The following BSG variants were observed in gnomAD, a reference collection of about 807,000 sequenced individuals.
The protein encoded by BSG is basigin (Ok blood group).
In BSG, 37 loss-of-function variants were observed where a neutral mutation model predicts 43.1. That is an observed-to-expected ratio of 0.86 (90% CI 0.66 to 1.13). BSG has a LOEUF of 1.13. Ranked by LOEUF, BSG falls within the 50% of genes most tolerant of loss-of-function variation. The probability of loss-of-function intolerance (pLI) is 0.00; values close to 1 mark genes in which losing one functional copy is unlikely to be tolerated. For missense variants in BSG, 599 were observed against 554.2 expected (o/e 1.08, Z -0.81); for synonymous variants, 309 against 238.7 (o/e 1.29, Z -2.72).
chr19:576,282 C>T (rs1600482661), intron 1 of BSG, among the ~76,000 whole-genome samples: 1 of 152,314 alleles, frequency 6.6e-6, no homozygotes, highest in East Asian at 1.9e-4. Flanking sequence ...CCCAGCCCTG[C>T]AGGTCTGGAG....
intron 1 of BSG, chr19:575,021 G>C (rs556312871): frequency 6.6e-6 from 1 of 152,326 alleles, no homozygotes; most frequent in African/African-American, 2.4e-5. Context: ...CTGCTGGGTA[G>C]GGTGGTTCAC....
rs1296640719 is a variant in BSG at position 582,554 on chromosome 19, G to T, written c.1135G>T (p.Val379Phe). 6.6e-7 allele frequency: 1 copy of T among 1,503,808 alleles called. No individual in the cohort carries two copies. The highest frequency in any genetic ancestry group is 9.0e-7 in the Non-Finnish European group (1 of 1,113,942). 93.2% of individuals were successfully genotyped at this position (1,503,808 alleles called of 1,614,324 possible). ...GCACCAGAATGACAAAGGCAAGAACGTCCGCCAGAGGAACTCTTCCTGAGG... is the reference window on the plus strand; with the variant it reads ...GCACCAGAATGACAAAGGCAAGAACTTCCGCCAGAGGAACTCTTCCTGAGG... ...GQHQNDKGKN[V>F]RQRNSS Residue 379 changes from valine to phenylalanine, a missense_variant, in exon 8 of 9, where the codon GTC (valine) becomes TTC (phenylalanine). By Grantham distance (50) the Val-to-Phe change is conservative. Transcript: ENST00000333511.
chr19:574,502 G>A (rs540123195), intron 1 of BSG, among the ~76,000 whole-genome samples: 47 of 151,974 alleles, frequency 3.1e-4, no homozygotes, highest in African/African-American at 1.1e-3. Context: ...GCAGTGAGCC[G>A]AGATCGCGCC....
rs1360739725 is a variant in BSG, at chr19:578,799, C to T, written c.415+678C>T. ...CAGGTGGAGTGTGGTGGCACAATCT[C>T]GGCTCACTGCAACTTCCGCCTCCCG... is the stretch of plus-strand genomic sequence containing the variant. On this transcript the variant is annotated intron_variant, in intron 2 of 8. Coordinates refer to ENST00000333511, the MANE Select transcript of BSG (RefSeq NM_001728.4). The T allele has an allele frequency of 2.0e-5, 7 of 346,032 alleles. 1 individual carries two copies. Among genetic ancestry groups the T allele is most frequent in the Non-Finnish European group, 2.3e-5 (4 of 175,218 alleles). The allele number at this position is 346,032 out of a possible 1,614,324, so 21.4% of individuals were successfully genotyped here.
Position 580,382 on chromosome 19 carries a change from G to A in BSG, c.576G>A (p.Val192=). 1 of 1,610,790 alleles carries A rather than the reference G, an allele frequency of 6.2e-7. No homozygotes were observed. The highest frequency in any genetic ancestry group is 8.5e-7 in the Non-Finnish European group (1 of 1,179,840). The change falls in exon 4 of 9, where the codon GTG becomes GTA. Residue 192 remains valine (V), a synonymous_variant. Coordinates refer to ENST00000333511, the MANE Select transcript of BSG (RefSeq NM_001728.4). ...ALPGQKTEFK[V]DSDDQWGEYS... ...CACCTGCCTGCTGTGGTTGCAGGGT[G>A]GACTCCGACGACCAGTGGGGAGAGT...
chr19:574,223 C>A (rs1981555759), intron 1 of BSG, among the ~76,000 whole-genome samples: 1 of 147,222 alleles, frequency 6.8e-6, no homozygotes, highest in African/African-American at 2.5e-5. Flanking sequence ...CCACTGCACT[C>A]CAGCCTGGGT....
chr19:572,723 G>T (rs1351883365), intron 1 of BSG, 22 bp downstream of exon 1: 1 of 1,463,114 alleles, frequency 6.8e-7, no homozygotes, highest in Admixed American at 2.4e-5. Flanking sequence ...GTAGGGGGCG[G>T]GGGTGCGGTC....
chr19:572,303 GCT>G (rs1204111092), upstream of BSG: 4 of 837,398 alleles, frequency 4.8e-6, no homozygotes, highest in Non-Finnish European at 4.4e-6. Flanking sequence ...CGGGCGCACC[GCT>G]CTGCGCTCAT....
rs1434107415 is a variant in BSG at position 581,606 on chromosome 19, C to T, written c.1069+15C>T. 6.4e-7 allele frequency: 1 copy of T among 1,571,944 alleles called. No homozygotes were observed. The highest frequency in any genetic ancestry group is 8.6e-7 in the Non-Finnish European group (1 of 1,161,882). ...CGTCCTGGATGGTGAGCCGTCTGCC[C>T]TCCTGCCCACATGCCCTGCTCTCGG... On this transcript the variant is annotated intron_variant, in intron 6 of 8. Transcript: ENST00000333511.
rs557135170 is a variant in BSG, at chr19:580,230, G to A, written c.573-149G>A. 1.5e-5 allele frequency: 10 copies of A among 670,568 alleles called. No individual in the cohort carries two copies. In the Admixed American group the frequency reaches 1.6e-4, roughly 11 times the overall value. The allele number at this position is 670,568 out of a possible 1,614,324, so 41.5% of individuals were successfully genotyped here. On this transcript the variant is annotated intron_variant, in intron 3 of 8. Transcript: ENST00000333511. ...CCTGGCTCTGTCCTTGGGGCCGCAC[G>A]GGGACCCCAGGAGTTCTTTTGAGGT...
Position 572,609 on chromosome 19 carries a change from T to C in BSG, c.-26T>C, listed in dbSNP as rs545279552. The C allele has an allele frequency of 8.1e-6, 12 of 1,485,074 alleles. No homozygotes were observed. In the East Asian group the frequency reaches 1.2e-4, roughly 14 times the overall value. 92.0% of individuals were successfully genotyped at this position (1,485,074 alleles called of 1,614,324 possible). On this transcript the variant is annotated 5_prime_UTR_variant, in exon 1 of 9. Coordinates refer to ENST00000333511, the MANE Select transcript of BSG (RefSeq NM_001728.4). Reference sequence around the variant, plus strand: ...GGCGGCGGCGGCAGCGGTTGGAGGTTGTAGGACCGGCGAGGAATAGGAATC... The same window carrying C: ...GGCGGCGGCGGCAGCGGTTGGAGGTCGTAGGACCGGCGAGGAATAGGAATC...
In BSG at chr19:572,615, A is replaced by C. The variant is rs867370549; in HGVS notation, c.-20A>C. On this transcript the variant is annotated 5_prime_UTR_variant, in exon 1 of 9. Coordinates refer to ENST00000333511, the MANE Select transcript of BSG (RefSeq NM_001728.4). ...GGCGGCAGCGGTTGGAGGTTGTAGGACCGGCGAGGAATAGGAATCATGGCG... is the reference window on the plus strand; with the variant it reads ...GGCGGCAGCGGTTGGAGGTTGTAGGCCCGGCGAGGAATAGGAATCATGGCG... 1 of 1,489,854 alleles carries C rather than the reference A, an allele frequency of 6.7e-7. No homozygotes were observed. The highest frequency in any genetic ancestry group is 9.0e-7 in the Non-Finnish European group (1 of 1,116,670). The allele number at this position is 1,489,854 out of a possible 1,614,324, so 92.3% of individuals were successfully genotyped here. A position where few individuals can be genotyped will look rare whatever the true frequency, so the allele number is the denominator to read the frequency against.
intron 7 of BSG, 48 bp from the exon 8 acceptor site, chr19:582,465 GA>G: frequency 6.3e-7 from 1 of 1,595,166 alleles, no homozygotes; most frequent in Non-Finnish European, 8.5e-7. Flanking sequence ...GTGACTTGGA[GA>G]GAGTGACTTG....
In BSG at chr19:582,961, G is replaced by A; in HGVS notation, c.*217G>A. ...TTCTGAAGTGTTTCACGAGAGCCCG[G>A]GAGCTGCTGCCCTGCGGCCCCGTCT... On this transcript the variant is annotated 3_prime_UTR_variant, in exon 9 of 9. Coordinates refer to ENST00000333511, the MANE Select transcript of BSG (RefSeq NM_001728.4). 1 of 241,258 alleles carries A rather than the reference G, an allele frequency of 4.1e-6. No individual in the cohort carries two copies. Among genetic ancestry groups the A allele is most frequent in the Non-Finnish European group, 8.3e-6 (1 of 121,142 alleles). The allele number at this position is 241,258 out of a possible 1,614,324, so 14.9% of individuals were successfully genotyped here.
At position 577,758 on chromosome 19, in the gene BSG, C is replaced by G. The variant is rs577509978; in HGVS notation, c.68-16C>G. 2 of 1,395,920 alleles carry G rather than the reference C, an allele frequency of 1.4e-6. No homozygotes were observed. The highest frequency in any genetic ancestry group is 9.3e-7 in the Non-Finnish European group (1 of 1,074,992). The allele number at this position is 1,395,920 out of a possible 1,614,324, so 86.5% of individuals were successfully genotyped here. On this transcript the variant is annotated splice_polypyrimidine_tract_variant and intron_variant, in intron 1 of 8. Transcript: ENST00000333511. ...CCCCAGGCACTAACAAGACCCCACGCGTGCTCTCCCCACAGCCGGCTTCGT... is the reference window on the plus strand; with the variant it reads ...CCCCAGGCACTAACAAGACCCCACGGGTGCTCTCCCCACAGCCGGCTTCGT...
In BSG at chr19:580,388, C is replaced by G. The variant is rs2229664; in HGVS notation, c.582C>G (p.Ser194=). 0.11 allele frequency: 180,933 copies of G among 1,610,302 alleles called. 12,562 individuals carry two copies. Among genetic ancestry groups the G allele is most frequent in the South Asian group, 0.27 (24,277 of 91,054 alleles). Residue 194 remains serine (S), a synonymous_variant, in exon 4 of 9, where the codon TCC becomes TCG. Coordinates refer to ENST00000333511, the MANE Select transcript of BSG (RefSeq NM_001728.4). Reference sequence around the variant, plus strand: ...CCTGCTGTGGTTGCAGGGTGGACTCCGACGACCAGTGGGGAGAGTACTCCT... The same window carrying G: ...CCTGCTGTGGTTGCAGGGTGGACTCGGACGACCAGTGGGGAGAGTACTCCT... The part of the protein sequence containing the change: ...PGQKTEFKVD[S]DDQWGEYSCV...
intron 1 of BSG, among the ~76,000 whole-genome samples, chr19:576,606 A>G (rs1291572951): frequency 1.3e-5 from 2 of 152,174 alleles, no homozygotes; most frequent in Non-Finnish European, 2.9e-5. Flanking sequence ...CTAAAAATAC[A>G]AAATATTAGC....
At position 572,715 on chromosome 19, in the gene BSG, AG is replaced by A. The variant is rs1447366864; in HGVS notation, c.67+19del. 5.1e-5 allele frequency: 75 copies of A among 1,466,480 alleles called. No homozygotes were observed. Among genetic ancestry groups the A allele is most frequent in the Non-Finnish European group, 6.4e-5 (70 of 1,101,654 alleles). 90.8% of individuals were successfully genotyped at this position (1,466,480 alleles called of 1,614,324 possible). Reference sequence around the variant, plus strand: ...CCTCCGGGGCTGGTGAGGAGCGGGTAGGGGGCGGGGGTGCGGTCCTGCAGGG... The same window carrying A: ...CCTCCGGGGCTGGTGAGGAGCGGGTAGGGGCGGGGGTGCGGTCCTGCAGGG... On this transcript the variant is annotated intron_variant, in intron 1 of 8. Transcript: ENST00000333511.
intron 1 of BSG, among the ~76,000 whole-genome samples, chr19:574,478 G>A (rs1471529575): frequency 1.3e-5 from 2 of 152,144 alleles, no homozygotes; most frequent in Non-Finnish European, 2.9e-5. Context: ...GTGTGAACCA[G>A]GGAGGCGGAG....
Sources: allele counts gnomAD v4.1 joint callset (sites outside exome capture counted in the v4.1 genomes callset), GRCh38; gene constraint gnomAD v4.1.1; transcripts MANE v1.5; gene names NCBI Gene and HGNC (gene_info 2026-07-23, HGNC 2026-07-21).